Variants in MEIS1 observed in about 807,000 individuals in gnomAD.
MEIS1 encodes homeobox protein Meis1.
MEIS1 carries 5 observed loss-of-function variants against 50.8 expected under a neutral mutation model. The ratio of observed to expected loss-of-function variants is 0.10; its 90% CI spans 0.05 to 0.21. The LOEUF is 0.21. Ranked by LOEUF, MEIS1 falls within the 10% of genes least tolerant of loss-of-function variation. The probability of loss-of-function intolerance (pLI) is 1.00; values close to 1 mark genes in which losing one functional copy is unlikely to be tolerated. For missense variants in MEIS1, 318 were observed against 517.3 expected (o/e 0.61, Z 3.74); for synonymous variants, 176 against 179.3 (o/e 0.98, Z 0.15).
chr2:66,473,397 A>AAAAAAAAAATATATATATATATATAT, intron 7 of MEIS1, among the ~76,000 whole-genome samples: 4 of 107,582 alleles, frequency 3.7e-5, no homozygotes, highest in African/African-American at 2.3e-4. Context: ...AAAAAAAAAA[A>AAAAAAAAAATATATATATATATATAT]ATATATATAT....
At chr2:66,445,688 G>A (rs1234298350) in intron 6 of MEIS1, among the ~76,000 whole-genome samples, 1 of 152,126 alleles carries the variant, frequency 6.6e-6, no homozygotes, top group Non-Finnish European at 1.5e-5. Flanking sequence ...TTTCCTCGGA[G>A]GGCGCGAAGA....
chr2:66,439,323 T>G, intron 2 of MEIS1: 1 of 1,158,322 alleles, frequency 8.6e-7, no homozygotes, highest in Non-Finnish European at 1.1e-6. Flanking sequence ...TGCAGCCCGT[T>G]GACAGTCGGC....
intron 6 of MEIS1, 43 bp from the exon 7 acceptor site, chr2:66,464,066 C>A: frequency 7.1e-7 from 1 of 1,415,096 alleles, no homozygotes; most frequent in Non-Finnish European, 9.8e-7. Flanking sequence ...AATAAGGGTT[C>A]ACAGATGCCT....
At chr2:66,474,716 G>A (rs1279910934) in intron 7 of MEIS1, among the ~76,000 whole-genome samples, 1 of 152,070 alleles carries the variant, frequency 6.6e-6, no homozygotes, top group Non-Finnish European at 1.5e-5. Flanking sequence ...TAACCTAAAA[G>A]CATTCTATTT....
At chr2:66,461,892 G>A (rs1200113081) in intron 6 of MEIS1, 1 of 470,824 alleles carries the variant, frequency 2.1e-6, no homozygotes, top group South Asian at 1.6e-5. Flanking sequence ...AAAAAGGTAG[G>A]CACAGATCAC....
chr2:66,571,569 C>CAA lies in MEIS1; in HGVS notation c.*363_*364dup. Reference sequence around the variant, plus strand: ...CATTGTCTGCAATGGTGACTGATTTCAAATCATGTTTTTTCTGCAATGACT... The same window carrying CAA: ...CATTGTCTGCAATGGTGACTGATTTCAAAAATCATGTTTTTTCTGCAATGACT... On this transcript the variant is annotated 3_prime_UTR_variant, in exon 13 of 13. Coordinates refer to ENST00000272369, the MANE Select transcript of MEIS1 (RefSeq NM_002398.3). 6.5e-7 allele frequency: 1 copy of CAA among 1,548,580 alleles called. No homozygotes were observed. Among genetic ancestry groups the CAA allele is most frequent in the Non-Finnish European group, 8.7e-7 (1 of 1,145,756 alleles).
intron 8 of MEIS1, among the ~76,000 whole-genome samples, chr2:66,544,920 G>A (rs1384171280): frequency 6.6e-6 from 1 of 152,128 alleles, no homozygotes; most frequent in Admixed American, 6.6e-5. Flanking sequence ...TGAAGCTCCA[G>A]GTAGTGGTAA....
chr2:66,479,608 G>GCATTT (rs1248885939), intron 7 of MEIS1, among the ~76,000 whole-genome samples: 25 of 152,226 alleles, frequency 1.6e-4, no homozygotes, highest in South Asian at 1.0e-3. Context: ...ATAGACTTAT[G>GCATTT]GTGCCAAAAT....
chr2:66,568,516 GAGAGAAATT>G, intron 10 of MEIS1, 142 bp from the exon 11 acceptor site: 3 of 562,336 alleles, frequency 5.3e-6, no homozygotes, highest in South Asian at 2.0e-5. Flanking sequence ...GATCTAGTCT[GAGAGAAATT>G]TCACTTTGAA....
At position 66,435,561 on chromosome 2, in the gene MEIS1, T is replaced by C; in HGVS notation, c.-296T>C. On this transcript the variant is annotated 5_prime_UTR_variant, in exon 1 of 13. Coordinates refer to ENST00000272369, the MANE Select transcript of MEIS1 (RefSeq NM_002398.3). The stretch of plus-strand genomic sequence containing the variant: ...TTTTCCTTTTCTTTCTTTCTTTCTT[T>C]TTTTTTTTTTAAACTGATTTTTGGG... 1 of 397,010 alleles carries C rather than the reference T, an allele frequency of 2.5e-6. No homozygotes were observed. Among genetic ancestry groups the C allele is most frequent in the Admixed American group, 4.4e-5 (1 of 22,602 alleles). 24.6% of individuals were successfully genotyped at this position (397,010 alleles called of 1,614,324 possible).
chr2:66,474,387 C>T (rs1174640863), intron 7 of MEIS1, among the ~76,000 whole-genome samples: 2 of 152,110 alleles, frequency 1.3e-5, no homozygotes, highest in South Asian at 2.1e-4. Context: ...TTTTTATGTC[C>T]TATGCCCTTC....
In MEIS1 at chr2:66,435,798, A is replaced by G; in HGVS notation, c.-59A>G. On this transcript the variant is annotated 5_prime_UTR_variant, in exon 1 of 13. Coordinates refer to ENST00000272369, the MANE Select transcript of MEIS1 (RefSeq NM_002398.3). ...GGAGTTTGAATATTTGTTTCTTTTC[A>G]CACTGGCCTTAAAGAGGATATATTA... 1.6e-6 allele frequency: 2 copies of G among 1,281,882 alleles called. No homozygotes were observed. The allele number at this position is 1,281,882 out of a possible 1,614,324, so 79.4% of individuals were successfully genotyped here.
At position 66,473,378 on chromosome 2, in the gene MEIS1, C is replaced by CAAAAAAAAAAAAAAAAAAAAA. The variant is rs71409174; in HGVS notation, c.742+9178_742+9179insAAAAAAAAAAAAAAAAAAAAA. On this transcript the variant is annotated intron_variant, in intron 7 of 12. Coordinates refer to ENST00000272369, the MANE Select transcript of MEIS1 (RefSeq NM_002398.3). ...GGGTAACAAGAGTGAGACTCCATGT[C>CAAAAAAAAAAAAAAAAAAAAA]AAAAAAAAAAAAAAAAAAAATATAT... Among the ~76,000 whole-genome samples, 2 of 53,962 alleles carry CAAAAAAAAAAAAAAAAAAAAA rather than the reference C, an allele frequency of 3.7e-5. 1 individual carries two copies. Among genetic ancestry groups the CAAAAAAAAAAAAAAAAAAAAA allele is most frequent in the African/African-American group, 2.9e-4 (2 of 6,814 alleles). 35.4% of individuals were successfully genotyped at this position (53,962 alleles called of 152,430 possible).
In MEIS1 at chr2:66,463,817, C is replaced by T. The variant is rs538080828; in HGVS notation, c.631-292C>T. ...TTGAAAATATAGTCAGAATCAGTGG[C>T]GGCATTTTGTTTTCCTCTTTGCCTG... is the stretch of plus-strand genomic sequence containing the variant. On this transcript the variant is annotated intron_variant, in intron 6 of 12. Coordinates refer to ENST00000272369, the MANE Select transcript of MEIS1 (RefSeq NM_002398.3). Among the ~76,000 whole-genome samples the T allele has an allele frequency of 9.6e-4, 146 of 152,290 alleles. 1 individual carries two copies. The highest frequency in any genetic ancestry group is 2.9e-3 in the African/African-American group (122 of 41,568).
chr2:66,568,372 T>C (rs1675402384), intron 10 of MEIS1: 1 of 310,454 alleles, frequency 3.2e-6, no homozygotes. Flanking sequence ...GCAACACACA[T>C]TTACTCCTGT....
intron 8 of MEIS1, among the ~76,000 whole-genome samples, chr2:66,516,577 TTGTG>T (rs59154318): frequency 0.014 from 2,004 of 148,124 alleles, 27 homozygotes; most frequent in Admixed American, 0.043. Context: ...CCTGGAAAAT[TTGTG>T]TGTGTGTGTG....
intron 9 of MEIS1, among the ~76,000 whole-genome samples, chr2:66,550,510 TG>T: frequency 8.5e-6 from 1 of 117,212 alleles, no homozygotes; most frequent in Non-Finnish European, 1.9e-5. Context: ...TGTTTTGTTT[TG>T]TTTTGATACC....
intron 7 of MEIS1, among the ~76,000 whole-genome samples, chr2:66,473,144 C>T (rs1672802891): frequency 6.6e-6 from 1 of 151,680 alleles, no homozygotes; most frequent in African/African-American, 2.4e-5. Flanking sequence ...TTTGGGACGC[C>T]AAGGTGGGCG....
chr2:66,506,457 G>A (rs781138206), intron 7 of MEIS1, among the ~76,000 whole-genome samples: 7 of 152,144 alleles, frequency 4.6e-5, no homozygotes, highest in South Asian at 2.1e-4. Context: ...GCTCAGGACC[G>A]GAGGTGGAGC....
Sources: gnomAD v4.1 joint callset for allele counts (sites outside exome capture counted in the v4.1 genomes callset) on GRCh38, gnomAD v4.1.1 for gene constraint, MANE v1.5 for transcripts, NCBI Gene and HGNC (gene_info 2026-07-23, HGNC 2026-07-21) for gene names.